The following COMMD1 variants were observed in gnomAD, a reference collection of about 807,000 sequenced individuals.
The protein encoded by COMMD1 is copper metabolism domain containing 1.
In COMMD1, 10 loss-of-function variants were observed where a neutral mutation model predicts 17.2. The ratio of observed to expected loss-of-function variants is 0.58; its 90% CI spans 0.36 to 0.99. COMMD1 has a LOEUF of 0.99. Among genes scored for constraint, COMMD1 ranks in the 50% least tolerant of loss-of-function variants. COMMD1 has a pLI of 0.01. For missense variants in COMMD1, 270 were observed against 231.8 expected, an observed-to-expected ratio of 1.17 and a Z score of -1.07; for synonymous variants, 97 against 91.6, an observed-to-expected ratio of 1.06 and a Z score of -0.34.
At chr2:61,917,532 A>G (rs1050888046) in intron 1 of COMMD1, among the ~76,000 whole-genome samples, 12 of 151,774 alleles carry the variant, frequency 7.9e-5, no homozygotes, top group Non-Finnish European at 1.3e-4. Flanking sequence ...CTTCGCTCAT[A>G]CTTTTTTTTT....
At chr2:61,915,714 C>T in intron 1 of COMMD1, 1 of 453,574 alleles carries the variant, frequency 2.2e-6, no homozygotes, top group South Asian at 1.6e-5. Flanking sequence ...CCAGGGTGGT[C>T]TCAAATTCCT....
chr2:61,957,820 A>C (rs1325273523), intron 1 of COMMD1, among the ~76,000 whole-genome samples: 1 of 152,202 alleles, frequency 6.6e-6, no homozygotes, highest in Non-Finnish European at 1.5e-5. Context: ...AAGAGTTGTA[A>C]ATAAAGATTT....
intron 1 of COMMD1, among the ~76,000 whole-genome samples, chr2:61,946,969 T>C (rs1371834209): frequency 6.6e-6 from 1 of 152,208 alleles, no homozygotes. Flanking sequence ...TAAATTATTT[T>C]TAACAATTAA....
intron 2 of COMMD1, among the ~76,000 whole-genome samples, chr2:62,109,917 A>AT (rs1672410808): frequency 1.7e-5 from 2 of 115,362 alleles, no homozygotes; most frequent in African/African-American, 7.0e-5. Context: ...CCTTATCTTG[A>AT]TCTTTTTTTT....
intron 1 of COMMD1, among the ~76,000 whole-genome samples, chr2:61,995,619 A>G (rs564339540): frequency 1.3e-5 from 2 of 152,190 alleles, no homozygotes; most frequent in Non-Finnish European, 1.5e-5. Flanking sequence ...ACCAGTTTAC[A>G]TTTTTTTCAG....
At chr2:62,112,163 T>G (rs1672472785) in intron 2 of COMMD1, among the ~76,000 whole-genome samples, 1 of 152,212 alleles carries the variant, frequency 6.6e-6, no homozygotes, top group Non-Finnish European at 1.5e-5. Flanking sequence ...TGGTCGAACC[T>G]GGCCTTTTCT....
intron 1 of COMMD1, among the ~76,000 whole-genome samples, chr2:61,958,560 C>A (rs1030203145): frequency 6.6e-6 from 1 of 152,100 alleles, no homozygotes; most frequent in Non-Finnish European, 1.5e-5. Context: ...AGGTACCTTG[C>A]CTGGCCACAA....
At chr2:62,126,117 C>G (rs1398955871) in intron 2 of COMMD1, among the ~76,000 whole-genome samples, 1 of 152,210 alleles carries the variant, frequency 6.6e-6, no homozygotes, top group East Asian at 1.9e-4. Flanking sequence ...CTTTTTATGA[C>G]TGCATAGTAT....
chr2:61,889,715 G>C (rs1669376323), intron 1 of COMMD1, among the ~76,000 whole-genome samples: 1 of 152,066 alleles, frequency 6.6e-6, no homozygotes, highest in Non-Finnish European at 1.5e-5. Flanking sequence ...GTTGATACTG[G>C]GTGGTGGAGG....
chr2:62,131,896 ATTT>A (rs1198359263), intron 2 of COMMD1, among the ~76,000 whole-genome samples: 18 of 124,710 alleles, frequency 1.4e-4, no homozygotes, highest in Admixed American at 1.3e-3. Flanking sequence ...ACACACACAC[ATTT>A]TTTTTTTTTT....
chr2:61,909,567 A>G (rs1209300515), intron 1 of COMMD1, among the ~76,000 whole-genome samples: 2 of 152,210 alleles, frequency 1.3e-5, no homozygotes, highest in African/African-American at 2.4e-5. Context: ...GGGGTAACCA[A>G]TGTGGAGTAT....
chr2:62,096,679 G>A (rs534210591), intron 2 of COMMD1, among the ~76,000 whole-genome samples: 1 of 152,328 alleles, frequency 6.6e-6, no homozygotes, highest in African/African-American at 2.4e-5. Flanking sequence ...GGGAAAGGTC[G>A]TAATAGCAGA....
intron 1 of COMMD1, among the ~76,000 whole-genome samples, chr2:61,897,495 T>G (rs1362423829): frequency 2.0e-5 from 3 of 152,138 alleles, no homozygotes; most frequent in Non-Finnish European, 4.4e-5. Flanking sequence ...GTATAAAAAT[T>G]GGCATTACTT....
rs191257531 is a variant in COMMD1 at position 61,943,815 on chromosome 2, T to C, written c.180+37957T>C. ...CCGCCATTGCACTCCAGCCTTGGCG[T>C]CTCAGTGAGACTCTGTCTCAAAAAA... On this transcript the variant is annotated intron_variant, in intron 1 of 2. Coordinates refer to ENST00000311832, the MANE Select transcript of COMMD1 (RefSeq NM_152516.4). Among the ~76,000 whole-genome samples, 16 of 152,122 alleles carry C rather than the reference T, an allele frequency of 1.1e-4. No individual in the cohort carries two copies. In the East Asian group the frequency reaches 2.7e-3, roughly 26 times the overall value.
At chr2:61,931,163 T>C (rs1357095254) in intron 1 of COMMD1, among the ~76,000 whole-genome samples, 2 of 151,574 alleles carry the variant, frequency 1.3e-5, no homozygotes, top group Non-Finnish European at 2.9e-5. Context: ...AATAGAAAAA[T>C]TAGCCGGGTG....
At chr2:61,985,012 C>G (rs1225535835) in intron 1 of COMMD1, among the ~76,000 whole-genome samples, 2 of 147,480 alleles carry the variant, frequency 1.4e-5, no homozygotes, top group Admixed American at 6.7e-5. Context: ...ATATCTTTTC[C>G]TATTCCTTTA....
rs1443010153 is a variant in COMMD1, at chr2:62,056,957, C to T, written c.462+55975C>T. On this transcript the variant is annotated intron_variant, in intron 2 of 2. Coordinates refer to ENST00000311832, the MANE Select transcript of COMMD1 (RefSeq NM_152516.4). ...GCCACAAATGCACTCAAAAGCCTTC[C>T]GTTTCCAACATTCTTTGTGAAGCAG... is the stretch of plus-strand genomic sequence containing the variant. Among the ~76,000 whole-genome samples the T allele has an allele frequency of 3.9e-5, 6 of 152,182 alleles. No individual in the cohort carries two copies. The South Asian group carries it at 6.2e-4, about 16-fold the overall frequency.
intron 2 of COMMD1, among the ~76,000 whole-genome samples, chr2:62,061,152 T>C (rs1204815777): frequency 1.3e-5 from 2 of 152,374 alleles, no homozygotes; most frequent in East Asian, 3.8e-4. Flanking sequence ...TAGTTATCAC[T>C]GTAGCTTTCT....
chr2:61,922,303 T>C (rs1670219962), intron 1 of COMMD1, among the ~76,000 whole-genome samples: 1 of 152,184 alleles, frequency 6.6e-6, no homozygotes, highest in Admixed American at 6.6e-5. Flanking sequence ...TTTATAGGAT[T>C]GTGGCAGTTT....
Sources: allele counts gnomAD v4.1 joint callset (sites outside exome capture counted in the v4.1 genomes callset), GRCh38; gene constraint gnomAD v4.1.1; transcripts MANE v1.5; gene names NCBI Gene and HGNC (gene_info 2026-07-23, HGNC 2026-07-21).